The following SDK1 variants were observed in gnomAD, a reference collection of about 807,000 sequenced individuals.
The protein encoded by SDK1 is sidekick cell adhesion molecule 1, also known as protein sidekick-1.
SDK1 carries 157 observed loss-of-function variants against 245.5 expected under a neutral mutation model. The observed-to-expected ratio is 0.64, with a 90% confidence interval of 0.56 to 0.73. The LOEUF (loss-of-function observed/expected upper bound fraction) is 0.73, where lower values mean the gene tolerates loss of function less well. Ranked by LOEUF, SDK1 falls within the 30% of genes least tolerant of loss-of-function variation. SDK1 has a pLI of 0.00. For missense variants in SDK1, 3,583 were observed against 3,002.3 expected (o/e 1.19, Z -4.52); for synonymous variants, 1,647 against 1,278.5 (o/e 1.29, Z -6.15).
intron 4 of SDK1, among the ~76,000 whole-genome samples, chr7:3,808,332 G>C (rs947104171): frequency 6.6e-6 from 1 of 152,140 alleles, no homozygotes; most frequent in African/African-American, 2.4e-5. Context: ...GCAGATGGAG[G>C]GTCGGTCCCT....
At chr7:3,618,422 G>GA in intron 1 of SDK1, among the ~76,000 whole-genome samples, 1 of 152,216 alleles carries the variant, frequency 6.6e-6, no homozygotes, top group South Asian at 2.1e-4. Flanking sequence ...AAGCTTTTTT[G>GA]AAAATTCTGT....
chr7:3,474,677 C>T (rs1781297411), intron 1 of SDK1, among the ~76,000 whole-genome samples: 1 of 152,034 alleles, frequency 6.6e-6, no homozygotes, highest in African/African-American at 2.4e-5. Context: ...TGCCATCTCG[C>T]ACCTGGGTCA....
intron 41 of SDK1, among the ~76,000 whole-genome samples, chr7:4,233,850 C>T (rs947988946): frequency 6.6e-6 from 1 of 152,096 alleles, no homozygotes; most frequent in Admixed American, 6.5e-5. Flanking sequence ...CCAGCAAGGC[C>T]CCTTATGGGC....
At chr7:3,737,655 C>T (rs545643413) in intron 4 of SDK1, among the ~76,000 whole-genome samples, 10 of 152,214 alleles carry the variant, frequency 6.6e-5, no homozygotes, top group African/African-American at 9.6e-5. Context: ...CTGAGATACA[C>T]GAGCTAGTTG....
At chr7:4,251,685 T>C (rs1048030073) in intron 44 of SDK1, among the ~76,000 whole-genome samples, 1 of 152,334 alleles carries the variant, frequency 6.6e-6, no homozygotes, top group African/African-American at 2.4e-5. Context: ...AGTCTTATAA[T>C]TTAGGGAAAA....
At chr7:4,139,631 G>A (rs527994389) in intron 28 of SDK1, among the ~76,000 whole-genome samples, 775 of 44,440 alleles carry the variant, frequency 0.017, 151 homozygotes, top group African/African-American at 0.057. Flanking sequence ...GTGTGTATAT[G>A]TATATATGTG....
intron 1 of SDK1, among the ~76,000 whole-genome samples, chr7:3,509,173 A>T (rs920830570): frequency 3.9e-5 from 6 of 152,232 alleles, no homozygotes; most frequent in Middle Eastern, 3.4e-3. Context: ...ATTAAGTAAG[A>T]TTAAGTTGTG....
chr7:3,828,656 TTTTTTTTTTG>T (rs1181249011), intron 5 of SDK1, among the ~76,000 whole-genome samples: 1 of 24,734 alleles, frequency 4.0e-5, no homozygotes, highest in Non-Finnish European at 7.5e-5. Flanking sequence ...GTTCTTTTTT[TTTTTTTTTTG>T]TTTTTTTGAC....
chr7:4,060,260 C>G (rs1276926150), intron 19 of SDK1, among the ~76,000 whole-genome samples: 1 of 152,096 alleles, frequency 6.6e-6, no homozygotes, highest in Admixed American at 6.6e-5. Flanking sequence ...TGCTAAGAGC[C>G]TACAATAAAT....
chr7:3,654,864 G>A (rs1419766762), intron 4 of SDK1, among the ~76,000 whole-genome samples: 2 of 152,096 alleles, frequency 1.3e-5, no homozygotes, highest in Non-Finnish European at 2.9e-5. Context: ...AGCATATCTT[G>A]TGACAATAAT....
chr7:3,657,842 C>G (rs777057804), intron 4 of SDK1, among the ~76,000 whole-genome samples: 2 of 152,188 alleles, frequency 1.3e-5, no homozygotes, highest in Non-Finnish European at 2.9e-5. Flanking sequence ...TTGTGGATGA[C>G]TGCAGGGGGA....
At chr7:3,571,447 C>A (rs929012933) in intron 1 of SDK1, among the ~76,000 whole-genome samples, 1 of 152,044 alleles carries the variant, frequency 6.6e-6, no homozygotes, top group South Asian at 2.1e-4. Flanking sequence ...GAACTACAGG[C>A]CCGTACCACC....
intron 4 of SDK1, among the ~76,000 whole-genome samples, chr7:3,803,776 T>G (rs371338978): frequency 7.3e-6 from 1 of 136,522 alleles, no homozygotes; most frequent in African/African-American, 2.8e-5. Context: ...TGAGACAGAG[T>G]CTGGCCTGTT....
chr7:4,124,714 A>G (rs1282474185), intron 25 of SDK1, among the ~76,000 whole-genome samples: 4 of 152,240 alleles, frequency 2.6e-5, no homozygotes, highest in Non-Finnish European at 5.9e-5. Flanking sequence ...CATAGGTTGC[A>G]TTATTGTGCA....
chr7:3,595,820 C>T (rs1341383378), intron 1 of SDK1, among the ~76,000 whole-genome samples: 1 of 84,330 alleles, frequency 1.2e-5, no homozygotes, highest in African/African-American at 5.1e-5. Flanking sequence ...AGAGTTAAGA[C>T]TTCATCTCAA....
At chr7:3,792,659 CATCT>C (rs1778839954) in intron 4 of SDK1, among the ~76,000 whole-genome samples, 1 of 151,234 alleles carries the variant, frequency 6.6e-6, no homozygotes, top group East Asian at 1.9e-4. Context: ...TCCATCCATC[CATCT>C]AACTACTACC....
chr7:4,241,799 G>A lies in SDK1; in HGVS notation c.6137G>A (p.Gly2046Glu). ...CTCTCCTGCTGGGCTTTAGGAAAGGGGATCTCCACCATGGAGGAGTCTGTG... is the reference window on the plus strand; with the variant it reads ...CTCTCCTGCTGGGCTTTAGGAAAGGAGATCTCCACCATGGAGGAGTCTGTG... The part of the protein sequence containing the change: ...KKYKNCSTGK[G>E]ISTMEESVTL... The change falls in exon 43 of 45, where the codon GGG becomes GAG. Residue 2046 changes from glycine (G) to glutamate (E), a missense_variant. Gly to Glu is a moderately conservative substitution (Grantham distance 98). Transcript: ENST00000404826. 1 of 1,614,092 alleles carries A rather than the reference G, an allele frequency of 6.2e-7. No homozygotes were observed. The highest frequency in any genetic ancestry group is 8.5e-7 in the Non-Finnish European group (1 of 1,180,020).
chr7:3,393,242 G>T (rs1214241678), intron 1 of SDK1, among the ~76,000 whole-genome samples: 1 of 151,980 alleles, frequency 6.6e-6, no homozygotes, highest in African/African-American at 2.4e-5. Context: ...ACAGTGCTGG[G>T]ATTACAGGTA....
intron 1 of SDK1, among the ~76,000 whole-genome samples, chr7:3,364,425 C>T (rs1166138837): frequency 6.6e-6 from 1 of 152,198 alleles, no homozygotes; most frequent in Non-Finnish European, 1.5e-5. Context: ...TTATGTTTCA[C>T]ATTAAAGTCC....
Sources: allele counts gnomAD v4.1 joint callset (sites outside exome capture counted in the v4.1 genomes callset), GRCh38; gene constraint gnomAD v4.1.1; transcripts MANE v1.5; gene names NCBI Gene and HGNC (gene_info 2026-07-23, HGNC 2026-07-21).